Variants in CORO2B observed in about 807,000 individuals in gnomAD.
CORO2B encodes coronin 2B, also known as coronin-2B.
CORO2B carries 26 observed loss-of-function variants against 58.8 expected under a neutral mutation model. That is an observed-to-expected ratio of 0.44 (90% CI 0.32 to 0.61). The LOEUF is 0.61. Ranked by LOEUF, CORO2B falls within the 20% of genes least tolerant of loss-of-function variation. The pLI, the probability that CORO2B is intolerant of heterozygous loss-of-function variation, is 0.04. For missense variants in CORO2B, 460 were observed against 645.1 expected (o/e 0.71, Z 3.11); for synonymous variants, 242 against 253.8 (o/e 0.95, Z 0.44).
chr15:68,642,035 C>CT (rs33965107), intron 1 of CORO2B, among the ~76,000 whole-genome samples: 60,010 of 115,858 alleles, frequency 0.52, 16,798 homozygotes, highest in Admixed American at 0.61. Context: ...GGCCTAGCCT[C>CT]TTTTTTTTTT....
intron 1 of CORO2B, among the ~76,000 whole-genome samples, chr15:68,581,809 G>A (rs886262508): frequency 2.6e-5 from 4 of 152,190 alleles, no homozygotes; most frequent in African/African-American, 7.2e-5. Flanking sequence ...AAATGGGTTC[G>A]AGAGTGAGCT....
At position 68,669,054 on chromosome 15, in the gene CORO2B, A is replaced by G. The variant is rs935900195; in HGVS notation, c.216+23694A>G. Among the ~76,000 whole-genome samples, 7 of 148,712 alleles carry G rather than the reference A, an allele frequency of 4.7e-5. No homozygotes were observed. In the East Asian group the frequency reaches 1.2e-3, roughly 25 times the overall value. ...GACCACACCACTGCACTCCTCCATC[A>G]GAAAGAAAGAGAGAAAGAGAGAGAG... On this transcript the variant is annotated intron_variant, in intron 2 of 11. Coordinates refer to ENST00000261861, the MANE Select transcript of CORO2B (RefSeq NM_006091.5).
At chr15:68,711,024 C>CATTT (rs1945286139) in intron 4 of CORO2B, 143 bp downstream of exon 4, 2 of 998,150 alleles carry the variant, frequency 2.0e-6, no homozygotes, top group Non-Finnish European at 2.8e-6. Context: ...TTCATTCATT[C>CATTT]GCTACACGCA....
chr15:68,649,166 G>A (rs1289110971), intron 2 of CORO2B, among the ~76,000 whole-genome samples: 1 of 151,684 alleles, frequency 6.6e-6, no homozygotes, highest in Non-Finnish European at 1.5e-5. Context: ...AGAAAAGAAC[G>A]TGTTCTTTAC....
chr15:68,559,500 C>G, the CORO2B span: 1 of 652,328 alleles, frequency 1.5e-6, no homozygotes, highest in Non-Finnish European at 1.9e-6. This position sits in a 1 kb window ranked among gnomAD's most constrained non-coding sequence, Gnocchi z 4.3. Flanking sequence ...GAGAAGGGAG[C>G]GTCAGCGGGG....
At chr15:68,520,398 G>T in the CORO2B span, among the ~76,000 whole-genome samples, 2 of 152,074 alleles carry the variant, frequency 1.3e-5, no homozygotes, top group Admixed American at 6.5e-5. Context: ...AGTGATTTTT[G>T]TTTATTTCTC....
intron 1 of CORO2B, among the ~76,000 whole-genome samples, chr15:68,583,017 T>C (rs1289481639): frequency 6.6e-6 from 1 of 152,120 alleles, no homozygotes; most frequent in African/African-American, 2.4e-5. Flanking sequence ...CATGCCAACA[T>C]GCTCCTCCCT....
intron 11 of CORO2B, among the ~76,000 whole-genome samples, chr15:68,720,650 CCACGTGGACTCCTCCATAAGGCAGCT>C (rs1188419958): frequency 1.3e-5 from 2 of 152,134 alleles, no homozygotes; most frequent in African/African-American, 4.8e-5. Flanking sequence ...CAGGTCCCTG[CCACGTGGACTCCTCCATAAGGCAGCT>C]CACAACAGGG....
At chr15:68,698,610 G>A (rs1892569037) in intron 3 of CORO2B, among the ~76,000 whole-genome samples, 1 of 152,192 alleles carries the variant, frequency 6.6e-6, no homozygotes, top group African/African-American at 2.4e-5. Flanking sequence ...CCTGGCTGCT[G>A]GGGTCCAAAG....
intron 1 of CORO2B, among the ~76,000 whole-genome samples, chr15:68,637,784 C>T (rs906127657): frequency 6.6e-6 from 1 of 152,210 alleles, no homozygotes; most frequent in Non-Finnish European, 1.5e-5. Context: ...GGGCTTCCTC[C>T]CAGCCCTTTG....
chr15:68,631,956 C>T (rs567979527), intron 1 of CORO2B: 29 of 985,506 alleles, frequency 2.9e-5, no homozygotes, highest in South Asian at 1.4e-4. Flanking sequence ...CCCTCAGCAT[C>T]GCTGGAGTGG....
the CORO2B span, among the ~76,000 whole-genome samples, chr15:68,528,615 T>G: frequency 6.6e-6 from 1 of 152,084 alleles, no homozygotes; most frequent in African/African-American, 2.4e-5. Context: ...AATATCTGTA[T>G]GTAGTTTTAT....
intron 8 of CORO2B, 56 bp downstream of exon 8, chr15:68,715,367 G>A: frequency 8.1e-7 from 1 of 1,241,274 alleles, no homozygotes; most frequent in Non-Finnish European, 1.2e-6. Context: ...GAGGACATCT[G>A]GCCCATGGGT....
chr15:68,711,389 C>T (rs756296245), intron 4 of CORO2B, among the ~76,000 whole-genome samples, 153 bp from the exon 5 acceptor site: 6 of 152,164 alleles, frequency 3.9e-5, no homozygotes, highest in Non-Finnish European at 8.8e-5. Context: ...ATCAGCCTTT[C>T]CATATAGAAC....
intron 2 of CORO2B, among the ~76,000 whole-genome samples, chr15:68,675,554 G>C (rs971076783): frequency 6.6e-5 from 10 of 152,138 alleles, no homozygotes; most frequent in African/African-American, 2.4e-4. Flanking sequence ...TCTTGAGCAA[G>C]ACCATGAACC....
At chr15:68,528,578 A>T in the CORO2B span, among the ~76,000 whole-genome samples, 1 of 151,592 alleles carries the variant, frequency 6.6e-6, no homozygotes, top group Non-Finnish European at 1.5e-5. Flanking sequence ...AGTGATATTG[A>T]TCTATAGTTT....
At chr15:68,545,610 G>GT in the CORO2B span, among the ~76,000 whole-genome samples, 1 of 110,140 alleles carries the variant, frequency 9.1e-6, no homozygotes, top group African/African-American at 3.4e-5. Context: ...GAATGCGGGG[G>GT]GCGGGGGGGG....
intron 2 of CORO2B, among the ~76,000 whole-genome samples, chr15:68,671,740 A>G (rs979825771): frequency 3.3e-5 from 5 of 152,194 alleles, no homozygotes; most frequent in Admixed American, 2.0e-4. Context: ...GTTCTCACTC[A>G]TGGCAGCTGG....
the CORO2B span, among the ~76,000 whole-genome samples, chr15:68,570,903 T>G: frequency 2.0e-5 from 3 of 147,772 alleles, no homozygotes; most frequent in Admixed American, 7.0e-5. Context: ...CCGCCCACAG[T>G]GCTGGGATTA....
Sources: gnomAD v4.1 joint callset for allele counts (sites outside exome capture counted in the v4.1 genomes callset) on GRCh38, gnomAD v4.1.1 for gene constraint, Gnocchi (gnomAD v3.1) non-coding constraint, MANE v1.5 for transcripts, NCBI Gene and HGNC (gene_info 2026-07-23, HGNC 2026-07-21) for gene names.